The following HSF5 variants were observed in gnomAD, a reference collection of about 807,000 sequenced individuals.
The protein encoded by HSF5 is heat shock factor protein 5.
HSF5 carries 5 observed loss-of-function variants against 50.8 expected under a neutral mutation model. The observed-to-expected ratio is 0.10, with a 90% CI of 0.05 to 0.21. The LOEUF is 0.21. Ranked by LOEUF, HSF5 falls within the 10% of genes least tolerant of loss-of-function variation. HSF5 has a pLI of 1.00. For synonymous variants in HSF5, 307 were observed against 307.4 expected (o/e 1.00, Z 0.02); for missense variants, 564 against 762.6 (o/e 0.74, Z 3.07).
At chr17:58,473,044 A>G (rs2143796442) in intron 2 of HSF5, among the ~76,000 whole-genome samples, 1 of 152,314 alleles carries the variant, frequency 6.6e-6, no homozygotes, top group East Asian at 1.9e-4. Flanking sequence ...AGGCAGGCAG[A>G]CAGGCAGGGG....
chr17:58,482,709 CAAAAAAAAAA>C (rs34783781), intron 1 of HSF5, among the ~76,000 whole-genome samples: 134 of 13,458 alleles, frequency 1.0e-2, no homozygotes, highest in South Asian at 0.024. Context: ...GACTCCATCT[CAAAAAAAAAA>C]AAAAAAAAAA....
Position 58,478,300 on chromosome 17 carries a change from T to C in HSF5, c.925+1593A>G, listed in dbSNP as rs190267096. ...AAATAAATATATATATATATATATATACACACACACATACACACACACACA... is the reference window on the plus strand; with the variant it reads ...AAATAAATATATATATATATATATACACACACACACATACACACACACACA... On this transcript the variant is annotated intron_variant, in intron 2 of 5. Transcript: ENST00000323777. 1.3e-3 allele frequency among the ~76,000 whole-genome samples: 190 copies of C among 145,106 alleles called. 3 individuals carry two copies. The highest frequency in any genetic ancestry group is 3.3e-3 in the African/African-American group (130 of 39,718).
In HSF5 at chr17:58,440,938, T is replaced by A. The variant is rs181550178; in HGVS notation, c.1720+17830A>T. Among the ~76,000 whole-genome samples the A allele has an allele frequency of 1.3e-3, 194 of 146,396 alleles. 2 individuals carry two copies. Among genetic ancestry groups the A allele is most frequent in the Non-Finnish European group, 7.4e-4 (48 of 64,492 alleles). ...ATGTGGAGGAAAAAAATATGAGAGG[T>A]TTAAAAAAATTAAGACATAGGGAAT... On this transcript the variant is annotated intron_variant, in intron 5 of 5. Coordinates refer to ENST00000323777, the MANE Select transcript of HSF5 (RefSeq NM_001080439.3).
intron 5 of HSF5, among the ~76,000 whole-genome samples, chr17:58,433,471 T>C (rs530234394): frequency 6.6e-6 from 1 of 152,176 alleles, no homozygotes; most frequent in South Asian, 2.1e-4. Context: ...ACAAAGGTGA[T>C]AATAAAAGCA....
In HSF5 at chr17:58,463,272, T is replaced by G. The variant is rs761167538; in HGVS notation, c.1052A>C (p.Glu351Ala). Residue 351 changes from glutamate (E) to alanine (A), a missense_variant, in exon 4 of 6, where the codon GAA becomes GCA. Physicochemically the swap from Glu to Ala is moderately radical, Grantham distance 107. Around this residue, in one of 5 missense-constraint regions of HSF5, gnomAD observed 441 missense variants for 533.6 expected, o/e 0.83. Coordinates refer to ENST00000323777, the MANE Select transcript of HSF5 (RefSeq NM_001080439.3). ...NPSMQSSYPV[E>A]FLPSNWPCST... ...GCAGGGCCAATTGGAAGGCAAAAAT[T>G]CAACTGGATAGGAGGACTGCATTGA... is the stretch of plus-strand genomic sequence containing the variant. 2.5e-6 allele frequency: 4 copies of G among 1,613,774 alleles called. No homozygotes were observed. The East Asian group carries it at 8.9e-5, about 36-fold the overall frequency.
chr17:58,458,432 A>G (rs866939229), intron 5 of HSF5, among the ~76,000 whole-genome samples: 19 of 152,188 alleles, frequency 1.2e-4, no homozygotes, highest in Admixed American at 6.5e-5. Context: ...TACAACTACA[A>G]TTTCGAAGTC....
In HSF5 at chr17:58,439,219, C is replaced by T. The variant is rs867528992; in HGVS notation, c.1721-16789G>A. Among the ~76,000 whole-genome samples the T allele has an allele frequency of 1.1e-4, 16 of 151,030 alleles. No individual in the cohort carries two copies. The South Asian group carries it at 1.9e-3, about 18-fold the overall frequency. Reference sequence around the variant, plus strand: ...CAGTTGACAAATCTTGTCAACAGAGCTTCTGTAAGCTTTTTAATGCTCCAT... The same window carrying T: ...CAGTTGACAAATCTTGTCAACAGAGTTTCTGTAAGCTTTTTAATGCTCCAT... On this transcript the variant is annotated intron_variant, in intron 5 of 5. Coordinates refer to ENST00000323777, the MANE Select transcript of HSF5 (RefSeq NM_001080439.3).
chr17:58,470,276 C>T (rs759434462), intron 2 of HSF5, among the ~76,000 whole-genome samples: 7 of 152,110 alleles, frequency 4.6e-5, no homozygotes, highest in Non-Finnish European at 8.8e-5. Flanking sequence ...CAGTATCCAT[C>T]AACAGATGAG....
At chr17:58,440,409 C>T (rs755309348) in intron 5 of HSF5, among the ~76,000 whole-genome samples, 54 of 152,166 alleles carry the variant, frequency 3.5e-4, no homozygotes, top group Non-Finnish European at 6.9e-4. Flanking sequence ...AAATCTCAGG[C>T]TCTGAACTGG....
chr17:58,467,852 T>C (rs530061887), intron 2 of HSF5, among the ~76,000 whole-genome samples: 1 of 152,350 alleles, frequency 6.6e-6, no homozygotes, highest in South Asian at 2.1e-4. Context: ...AATAATAGGT[T>C]GAGTCTGCTT....
intron 1 of HSF5, 102 bp downstream of exon 1, chr17:58,487,623 G>T: frequency 7.7e-7 from 1 of 1,302,328 alleles, no homozygotes; most frequent in South Asian, 2.7e-5. Flanking sequence ...CCTTTCCGAC[G>T]CCCATAGCGT....
intron 4 of HSF5, among the ~76,000 whole-genome samples, chr17:58,462,563 T>C (rs1475172631): frequency 6.6e-6 from 1 of 152,198 alleles, no homozygotes; most frequent in Non-Finnish European, 1.5e-5. Context: ...AGAGGTTGAC[T>C]TCAGACCATG....
chr17:58,453,397 CA>C (rs1974666434), intron 5 of HSF5, among the ~76,000 whole-genome samples: 1 of 152,112 alleles, frequency 6.6e-6, no homozygotes, highest in Non-Finnish European at 1.5e-5. Context: ...AGTTTGAGAC[CA>C]GCCTGACCAA....
intron 5 of HSF5, among the ~76,000 whole-genome samples, chr17:58,454,284 T>C (rs958971795): frequency 1.3e-5 from 2 of 151,872 alleles, no homozygotes; most frequent in Admixed American, 1.3e-4. Flanking sequence ...AAAAATAAAA[T>C]TCAACATCCC....
chr17:58,462,935 G>A lies in HSF5; in HGVS notation c.1389C>T (p.Thr463=). ...SLPQSPEYIY[T]IHTAQPVENS... ...TTTCAACAGGCTGAGCTGTGTGGAT[G>A]GTATAGATGTACTCAGGTGACTGTG... Residue 463 remains threonine (T), a synonymous_variant, in exon 4 of 6, where the codon ACC becomes ACT. Coordinates refer to ENST00000323777, the MANE Select transcript of HSF5 (RefSeq NM_001080439.3). 1.2e-6 allele frequency: 2 copies of A among 1,614,182 alleles called. No homozygotes were observed. Among genetic ancestry groups the A allele is most frequent in the Non-Finnish European group, 1.7e-6 (2 of 1,180,028 alleles).
At chr17:58,476,716 A>G in intron 2 of HSF5, 3 of 1,591,334 alleles carry the variant, frequency 1.9e-6, no homozygotes, top group Non-Finnish European at 2.6e-6. Context: ...AAAATGTGGG[A>G]TTTTGGCGAT....
chr17:58,460,268 C>T (rs1262551482), intron 4 of HSF5, among the ~76,000 whole-genome samples: 2 of 152,144 alleles, frequency 1.3e-5, no homozygotes, highest in Non-Finnish European at 2.9e-5. Context: ...ATCCTCCCAC[C>T]TCAGCTTCCA....
intron 1 of HSF5, among the ~76,000 whole-genome samples, chr17:58,480,698 A>T (rs1975085729): frequency 6.6e-6 from 1 of 152,142 alleles, no homozygotes; most frequent in South Asian, 2.1e-4. Flanking sequence ...TAAGCTCTCC[A>T]CCAAAAAATA....
intron 2 of HSF5, among the ~76,000 whole-genome samples, chr17:58,470,921 G>A (rs531596402): frequency 1.6e-4 from 24 of 151,824 alleles, no homozygotes; most frequent in African/African-American, 4.1e-4. Flanking sequence ...GTGAGACTCC[G>A]TCTCAAAAAA....
Sources: allele counts gnomAD v4.1 joint callset (sites outside exome capture counted in the v4.1 genomes callset), GRCh38; gene constraint gnomAD v4.1.1; regional missense constraint gnomAD v4.1.1; transcripts MANE v1.5; gene names NCBI Gene and HGNC (gene_info 2026-07-23, HGNC 2026-07-21).